The following ATG16L1 variants were observed in gnomAD, a reference collection of about 807,000 sequenced individuals.
The protein encoded by ATG16L1 is autophagy-related protein 16-1.
ATG16L1 carries 37 observed loss-of-function variants against 88.5 expected under a neutral mutation model. That is an observed-to-expected ratio of 0.42 (90% confidence interval 0.32 to 0.55). The LOEUF is 0.55. ATG16L1 is among the 20% of genes least tolerant of loss of function. ATG16L1 has a pLI of 0.13. For missense variants in ATG16L1, 554 were observed against 752.8 expected (o/e 0.74, Z 3.09); for synonymous variants, 301 against 281.0 (o/e 1.07, Z -0.71).
chr2:233,280,565 G>A (rs191830406), intron 10 of ATG16L1, among the ~76,000 whole-genome samples: 28 of 152,268 alleles, frequency 1.8e-4, no homozygotes, highest in African/African-American at 5.8e-4. Flanking sequence ...CTCCAAACTA[G>A]CTTGACTGGT....
intron 5 of ATG16L1, among the ~76,000 whole-genome samples, chr2:233,266,635 T>G (rs954455926): frequency 3.9e-5 from 6 of 152,186 alleles, no homozygotes; most frequent in African/African-American, 1.4e-4. Context: ...AGGGTGATGA[T>G]GGAAAAACAA....
chr2:233,290,180 G>A (rs1699367824), intron 13 of ATG16L1, 68 bp from the exon 14 acceptor site: 3 of 1,547,498 alleles, frequency 1.9e-6, no homozygotes, highest in Non-Finnish European at 2.7e-6. Context: ...TGGTTAGAGG[G>A]TGGCAGCATT....
intron 5 of ATG16L1, chr2:233,266,027 C>T (rs979546228): frequency 1.3e-5 from 2 of 152,158 alleles, no homozygotes; most frequent in African/African-American, 4.8e-5. Flanking sequence ...GAGAGGTTCA[C>T]TCTCACAACT....
intron 2 of ATG16L1, among the ~76,000 whole-genome samples, chr2:233,256,588 G>T (rs1559375784): frequency 6.6e-6 from 1 of 151,828 alleles, no homozygotes; most frequent in Non-Finnish European, 1.5e-5. Context: ...CGTAAAAATT[G>T]CTTTCCTGCA....
chr2:233,254,038 G>T (rs1486346303), intron 1 of ATG16L1, among the ~76,000 whole-genome samples: 1 of 152,162 alleles, frequency 6.6e-6, no homozygotes, highest in African/African-American at 2.4e-5. Context: ...AGCTTGCCCT[G>T]CCCACTTCAT....
intron 2 of ATG16L1, among the ~76,000 whole-genome samples, chr2:233,257,332 C>G (rs1219659850): frequency 6.6e-6 from 1 of 152,156 alleles, no homozygotes; most frequent in Non-Finnish European, 1.5e-5. Flanking sequence ...CCCAGCCCAG[C>G]TTACAATTTT....
intron 12 of ATG16L1, among the ~76,000 whole-genome samples, chr2:233,286,621 C>CTT (rs10676895): frequency 0.41 from 38,423 of 93,080 alleles, 9,204 homozygotes; most frequent in South Asian, 0.5. Flanking sequence ...GAAGCCCAAA[C>CTT]TTTTTTTTTT....
intron 6 of ATG16L1, among the ~76,000 whole-genome samples, chr2:233,272,429 A>G (rs1698057882): frequency 6.6e-6 from 1 of 152,218 alleles, no homozygotes; most frequent in South Asian, 2.1e-4. Context: ...TTAAAGTAAT[A>G]TTTGAAACTG....
At chr2:233,279,467 A>G (rs2125265636) in intron 10 of ATG16L1, among the ~76,000 whole-genome samples, 1 of 152,362 alleles carries the variant, frequency 6.6e-6, no homozygotes, top group East Asian at 1.9e-4. Context: ...CAGAAATAGC[A>G]GAATGTGTGG....
intron 5 of ATG16L1, among the ~76,000 whole-genome samples, chr2:233,266,930 T>C (rs1680437029): frequency 6.6e-6 from 1 of 152,152 alleles, no homozygotes; most frequent in Admixed American, 6.5e-5. Context: ...AGAAAAATGT[T>C]CTCCTAGAGA....
chr2:233,279,425 G>A (rs1490854830), intron 10 of ATG16L1, among the ~76,000 whole-genome samples: 2 of 152,172 alleles, frequency 1.3e-5, no homozygotes, highest in Non-Finnish European at 2.9e-5. Context: ...CACATAATTT[G>A]TGTTAATAAA....
chr2:233,254,756 T>C (rs762138791), intron 1 of ATG16L1, among the ~76,000 whole-genome samples: 1 of 152,140 alleles, frequency 6.6e-6, no homozygotes, highest in Non-Finnish European at 1.5e-5. Flanking sequence ...GTTTGACCAA[T>C]AGATGAGAGT....
chr2:233,267,820 G>A (rs1020077884), intron 5 of ATG16L1, among the ~76,000 whole-genome samples: 1 of 152,290 alleles, frequency 6.6e-6, no homozygotes, highest in African/African-American at 2.4e-5. Context: ...GTGGACGGGG[G>A]GTAATGCACA....
chr2:233,254,746 G>A (rs1475194560), intron 1 of ATG16L1, among the ~76,000 whole-genome samples: 2 of 152,022 alleles, frequency 1.3e-5, no homozygotes, highest in Non-Finnish European at 2.9e-5. Flanking sequence ...TGGCTAATTC[G>A]TTTGACCAAT....
intron 12 of ATG16L1, chr2:233,283,043 C>A: frequency 3.2e-6 from 1 of 315,436 alleles, no homozygotes; most frequent in Non-Finnish European, 6.1e-6. Flanking sequence ...CTTAATGGCA[C>A]AGAACTTAGC....
intron 8 of ATG16L1, 33 bp from the exon 9 acceptor site, chr2:233,274,643 C>G: frequency 1.3e-6 from 2 of 1,537,406 alleles, no homozygotes; most frequent in Non-Finnish European, 1.8e-6. Context: ...CTCTGCAATC[C>G]TGTCTAATAT....
At chr2:233,259,940 G>C (rs2125211554) in intron 2 of ATG16L1, among the ~76,000 whole-genome samples, 1 of 152,314 alleles carries the variant, frequency 6.6e-6, no homozygotes, top group Non-Finnish European at 1.5e-5. Flanking sequence ...TGTGACCGTA[G>C]TGTGGGCTGG....
At chr2:233,289,077 A>T (rs910184894) in intron 12 of ATG16L1, 2 of 367,226 alleles carry the variant, frequency 5.4e-6, no homozygotes, top group African/African-American at 4.2e-5. Flanking sequence ...ATGGCGCAAC[A>T]TCGAGGCTTT....
rs1388155534 is a variant in ATG16L1 at position 233,294,379 on chromosome 2, G to A, written c.*29G>A. The A allele has an allele frequency of 1.3e-6, 2 of 1,587,532 alleles. No homozygotes were observed. The highest frequency in any genetic ancestry group is 2.7e-5 in the African/African-American group (2 of 74,380). ...GGCTCTCAGGGCTGGGAGGACCCCA[G>A]TGCCCTCCTCAGAAGAAGCACATGG... On this transcript the variant is annotated 3_prime_UTR_variant, in exon 18 of 18. Coordinates refer to ENST00000392017, the MANE Select transcript of ATG16L1 (RefSeq NM_030803.7).
Sources: gnomAD v4.1 joint callset for allele counts (sites outside exome capture counted in the v4.1 genomes callset) on GRCh38, gnomAD v4.1.1 for gene constraint, MANE v1.5 for transcripts, NCBI Gene and HGNC (gene_info 2026-07-23, HGNC 2026-07-21) for gene names.